The following MSI2 variants were observed in gnomAD, a reference collection of about 807,000 sequenced individuals.
The protein encoded by MSI2 is RNA-binding protein Musashi homolog 2.
Under a neutral mutation model 45.6 loss-of-function variants are expected in MSI2, and 17 were observed. That is an observed-to-expected ratio of 0.37 (90% CI 0.26 to 0.56). MSI2 has a LOEUF of 0.56. Among genes scored for constraint, MSI2 ranks in the 20% least tolerant of loss-of-function variants. MSI2 has a pLI of 0.77. For synonymous variants in MSI2, 156 were observed against 158.2 expected, an observed-to-expected ratio of 0.99 and a Z score of 0.11; for missense variants, 293 against 444.2, an observed-to-expected ratio of 0.66 and a Z score of 3.06.
intron 9 of MSI2, among the ~76,000 whole-genome samples, chr17:57,620,124 C>G (rs969363404): frequency 2.6e-5 from 4 of 152,162 alleles, no homozygotes; most frequent in Non-Finnish European, 5.9e-5. Context: ...CAAGGGAGGC[C>G]GTGTGGTCCA....
chr17:57,654,788 C>T (rs1249096684), intron 11 of MSI2, among the ~76,000 whole-genome samples: 1 of 152,168 alleles, frequency 6.6e-6, no homozygotes, highest in Non-Finnish European at 1.5e-5. Flanking sequence ...ACCTGGCAGG[C>T]AACTCCAAAC....
At chr17:57,303,714 TG>T (rs1257816467) in intron 5 of MSI2, among the ~76,000 whole-genome samples, 1 of 152,232 alleles carries the variant, frequency 6.6e-6, no homozygotes, top group Non-Finnish European at 1.5e-5. Flanking sequence ...CCTAATATGA[TG>T]GGCCCTTTGA....
intron 6 of MSI2, among the ~76,000 whole-genome samples, chr17:57,514,179 A>G (rs1598352723): frequency 6.6e-6 from 1 of 151,804 alleles, no homozygotes; most frequent in East Asian, 1.9e-4. Context: ...CTTGAGAGTA[A>G]TAGCGCCTGA....
At chr17:57,283,660 G>A (rs1285312521) in intron 5 of MSI2, among the ~76,000 whole-genome samples, 1 of 152,146 alleles carries the variant, frequency 6.6e-6, no homozygotes, top group Non-Finnish European at 1.5e-5. Flanking sequence ...AAAAAAACTC[G>A]ATTTAGGCCC....
intron 6 of MSI2, among the ~76,000 whole-genome samples, chr17:57,470,697 A>G (rs2085419216): frequency 6.6e-6 from 1 of 152,230 alleles, no homozygotes; most frequent in Non-Finnish European, 1.5e-5. Flanking sequence ...CTTGCTGTCC[A>G]CAGCAGGGAT....
At chr17:57,432,770 TC>T (rs2084621905) in intron 6 of MSI2, among the ~76,000 whole-genome samples, 1 of 152,174 alleles carries the variant, frequency 6.6e-6, no homozygotes. Flanking sequence ...TGACAGCTCT[TC>T]CTGACTCACT....
At chr17:57,445,948 C>T (rs1174566430) in intron 6 of MSI2, among the ~76,000 whole-genome samples, 1 of 152,206 alleles carries the variant, frequency 6.6e-6, no homozygotes, top group Non-Finnish European at 1.5e-5. Context: ...TAGGAATGCC[C>T]TGTCTCTGCC....
At chr17:57,691,667 A>G in the MSI2 span, among the ~76,000 whole-genome samples, 2 of 152,224 alleles carry the variant, frequency 1.3e-5, no homozygotes, top group Non-Finnish European at 2.9e-5. Flanking sequence ...ATGTATAGAA[A>G]TACAGTTGAA....
intron 7 of MSI2, among the ~76,000 whole-genome samples, chr17:57,537,948 A>G (rs2086956206): frequency 6.6e-6 from 1 of 152,160 alleles, no homozygotes; most frequent in Non-Finnish European, 1.5e-5. Flanking sequence ...TGGTGACCTA[A>G]TAGGTCTTCC....
chr17:57,355,871 G>A (rs776658302), intron 5 of MSI2, among the ~76,000 whole-genome samples: 2 of 152,210 alleles, frequency 1.3e-5, no homozygotes, highest in Non-Finnish European at 2.9e-5. Context: ...GCATTTAGAT[G>A]ACATAGGCTA....
Position 57,627,339 on chromosome 17 carries a change from A to C in MSI2, c.727+36A>C. ...TGGTCTCCCAGGGCTTTGGAAGCAC[A>C]AGAGGTGGGCTGCATTTGCGGGGAG... On this transcript the variant is annotated intron_variant, in intron 10 of 13. Transcript: ENST00000284073. This position sits in a 1 kb window ranked among gnomAD's most constrained non-coding sequence, Gnocchi z 4.6. The C allele has an allele frequency of 1.3e-6, 2 of 1,595,316 alleles. No individual in the cohort carries two copies. Among genetic ancestry groups the C allele is most frequent in the Non-Finnish European group, 1.7e-6 (2 of 1,162,860 alleles).
intron 11 of MSI2, among the ~76,000 whole-genome samples, chr17:57,663,825 A>T (rs1158720874): frequency 6.6e-6 from 1 of 152,182 alleles, no homozygotes. Context: ...TAAAGGGCAC[A>T]TTCCGTTCAG....
chr17:57,283,456 T>G (rs1462325524), intron 5 of MSI2, among the ~76,000 whole-genome samples: 1 of 152,206 alleles, frequency 6.6e-6, no homozygotes, highest in African/African-American at 2.4e-5. Flanking sequence ...GGAAACAGAT[T>G]TTGGGCTCCT....
intron 6 of MSI2, among the ~76,000 whole-genome samples, chr17:57,450,869 C>T (rs139435700): frequency 6.6e-6 from 1 of 152,100 alleles, no homozygotes; most frequent in African/African-American, 2.4e-5. Context: ...AGGCTGTCCA[C>T]CCTCCTCCCA....
At chr17:57,660,397 T>A (rs1330173347) in intron 11 of MSI2, among the ~76,000 whole-genome samples, 1 of 152,054 alleles carries the variant, frequency 6.6e-6, no homozygotes, top group South Asian at 2.1e-4. Flanking sequence ...AAGGATGGGT[T>A]CCCAAAGGAA....
chr17:57,294,968 G>A (rs1442089438), intron 5 of MSI2, among the ~76,000 whole-genome samples: 1 of 152,180 alleles, frequency 6.6e-6, no homozygotes, highest in Non-Finnish European at 1.5e-5. Flanking sequence ...CAGGTGATCA[G>A]CGGGCGAAGG....
At chr17:57,275,511 C>T (rs975307023) in intron 5 of MSI2, among the ~76,000 whole-genome samples, 1 of 152,224 alleles carries the variant, frequency 6.6e-6, no homozygotes, top group African/African-American at 2.4e-5. Context: ...GAAATGAACA[C>T]AGTTCCCAGC....
At chr17:57,474,702 GTTTTTT>G (rs869070465) in intron 6 of MSI2, among the ~76,000 whole-genome samples, 2 of 83,506 alleles carry the variant, frequency 2.4e-5, no homozygotes, top group African/African-American at 4.5e-5. Context: ...TTTTTTTGTT[GTTTTTT>G]TGTTTTTGTT....
intron 7 of MSI2, among the ~76,000 whole-genome samples, chr17:57,537,713 C>G (rs1183786137): frequency 2.6e-5 from 4 of 152,238 alleles, no homozygotes; most frequent in South Asian, 4.2e-4. Context: ...AGATATTAAT[C>G]AACACAGTAG....
Sources: allele counts gnomAD v4.1 joint callset (sites outside exome capture counted in the v4.1 genomes callset), GRCh38; gene constraint gnomAD v4.1.1; non-coding constraint Gnocchi (gnomAD v3.1); transcripts MANE v1.5; gene names NCBI Gene and HGNC (gene_info 2026-07-23, HGNC 2026-07-21).